PDE1A: variants seen among roughly 807,000 people sequenced by gnomAD.
PDE1A encodes phosphodiesterase 1A.
In PDE1A, 35 loss-of-function variants were observed where a neutral mutation model predicts 61.7. The ratio of observed to expected loss-of-function variants is 0.57; its 90% CI spans 0.43 to 0.75. The LOEUF is 0.75. PDE1A is among the 30% of genes least tolerant of loss of function. The probability of loss-of-function intolerance (pLI) is 0.00; values close to 1 mark genes in which losing one functional copy is unlikely to be tolerated. For missense variants in PDE1A, 597 were observed against 630.6 expected, an observed-to-expected ratio of 0.95 and a Z score of 0.57; for synonymous variants, 232 against 213.2, an observed-to-expected ratio of 1.09 and a Z score of -0.77.
chr2:182,422,588 A>G (rs954698078), intron 1 of PDE1A, among the ~76,000 whole-genome samples: 1 of 152,248 alleles, frequency 6.6e-6, no homozygotes, highest in Non-Finnish European at 1.5e-5. Flanking sequence ...TTACTAAGCA[A>G]GATGAGTATG....
chr2:182,470,140 A>G (rs1686935104), intron 2 of PDE1A, among the ~76,000 whole-genome samples: 1 of 151,966 alleles, frequency 6.6e-6, no homozygotes, highest in South Asian at 2.1e-4. Flanking sequence ...GGTTCCCACT[A>G]ACTTTTAATT....
intron 8 of PDE1A, 117 bp from the exon 9 acceptor site, chr2:182,201,906 A>G: frequency 1.5e-6 from 1 of 649,830 alleles, no homozygotes. Context: ...TGAACACAAA[A>G]GATGCTACTT....
At chr2:182,226,571 AG>A (rs1169252636) in intron 6 of PDE1A, among the ~76,000 whole-genome samples, 1 of 149,630 alleles carries the variant, frequency 6.7e-6, no homozygotes, top group Non-Finnish European at 1.5e-5. Context: ...TGGTATCAGA[AG>A]GAATTCTAAC....
At chr2:182,336,631 T>A (rs1256287314) in intron 1 of PDE1A, among the ~76,000 whole-genome samples, 1 of 151,692 alleles carries the variant, frequency 6.6e-6, no homozygotes, top group Non-Finnish European at 1.5e-5. Context: ...GGTAGGGGGC[T>A]AGGGGAGGGA....
intron 2 of PDE1A, among the ~76,000 whole-genome samples, chr2:182,498,281 T>C (rs1229998517): frequency 6.6e-6 from 1 of 152,052 alleles, no homozygotes; most frequent in Non-Finnish European, 1.5e-5. Context: ...AGAAGAATTG[T>C]TAATCAACTA....
the PDE1A span, among the ~76,000 whole-genome samples, chr2:182,704,079 C>A: frequency 6.6e-6 from 1 of 151,160 alleles, no homozygotes; most frequent in African/African-American, 2.4e-5. Context: ...GGCGTGGTGG[C>A]AGGCACCTGT....
the PDE1A span, among the ~76,000 whole-genome samples, chr2:182,693,098 T>C: frequency 6.6e-6 from 1 of 151,874 alleles, no homozygotes; most frequent in East Asian, 1.9e-4. Flanking sequence ...TCCAAAAAAA[T>C]AAAAATAGAT....
intron 1 of PDE1A, among the ~76,000 whole-genome samples, chr2:182,275,668 C>A (rs1349299779): frequency 6.6e-6 from 1 of 151,996 alleles, no homozygotes; most frequent in Non-Finnish European, 1.5e-5. Context: ...AGTTAACTTG[C>A]AGATTTTTGT....
chr2:182,333,092 G>T (rs1697531582), intron 1 of PDE1A, among the ~76,000 whole-genome samples: 1 of 152,094 alleles, frequency 6.6e-6, no homozygotes, highest in African/African-American at 2.4e-5. Context: ...AGTTCTTAGA[G>T]ACATACAAAG....
At chr2:182,215,960 C>T (rs1266895976) in intron 7 of PDE1A, among the ~76,000 whole-genome samples, 3 of 118,780 alleles carry the variant, frequency 2.5e-5, no homozygotes, top group African/African-American at 1.0e-4. Context: ...AGAGACACAA[C>T]AAAAAAAGAG....
intron 13 of PDE1A, among the ~76,000 whole-genome samples, chr2:182,161,557 G>T (rs994593041): frequency 1.3e-5 from 2 of 152,040 alleles, no homozygotes; most frequent in Non-Finnish European, 2.9e-5. Flanking sequence ...AAAGAGTAAT[G>T]GTCTCCCCTG....
intron 1 of PDE1A, among the ~76,000 whole-genome samples, chr2:182,390,022 G>A (rs1559409893): frequency 6.6e-6 from 1 of 152,174 alleles, no homozygotes; most frequent in Non-Finnish European, 1.5e-5. Flanking sequence ...TACCTTTGAG[G>A]TTTTGGGATT....
chr2:182,452,282 G>A (rs1214589566), intron 2 of PDE1A, among the ~76,000 whole-genome samples: 2 of 152,058 alleles, frequency 1.3e-5, no homozygotes, highest in Admixed American at 6.6e-5. Context: ...GAGGTCTCAA[G>A]TTATTTGATT....
At chr2:182,254,934 C>T (rs1401211157) in intron 2 of PDE1A, among the ~76,000 whole-genome samples, 3 of 152,168 alleles carry the variant, frequency 2.0e-5, no homozygotes, top group Admixed American at 2.0e-4. Context: ...GTATATTCAA[C>T]TCCCCTGGAC....
the PDE1A span, among the ~76,000 whole-genome samples, chr2:182,546,002 T>C: frequency 6.6e-6 from 1 of 152,214 alleles, no homozygotes; most frequent in Non-Finnish European, 1.5e-5. Flanking sequence ...TCAAGTACTA[T>C]AGAGTTAGTG....
intron 2 of PDE1A, among the ~76,000 whole-genome samples, chr2:182,499,181 T>C (rs1252374288): frequency 1.8e-5 from 2 of 114,098 alleles, no homozygotes; most frequent in South Asian, 5.5e-4. Flanking sequence ...TTGTTTTTTT[T>C]TTTTTTTTTT....
chr2:182,427,206 G>A (rs1301900164), upstream of PDE1A, among the ~76,000 whole-genome samples: 1 of 152,160 alleles, frequency 6.6e-6, no homozygotes, highest in Non-Finnish European at 1.5e-5. Context: ...GGCTCGGGTT[G>A]CATGGCTGGC....
intron 1 of PDE1A, among the ~76,000 whole-genome samples, chr2:182,424,810 A>G (rs1416026949): frequency 1.3e-5 from 2 of 152,218 alleles, no homozygotes; most frequent in Non-Finnish European, 2.9e-5. Flanking sequence ...CCAGATGACC[A>G]ATAAATCCTG....
At chr2:182,437,837 T>C (rs1270722171) in intron 2 of PDE1A, among the ~76,000 whole-genome samples, 1 of 151,898 alleles carries the variant, frequency 6.6e-6, no homozygotes, top group Non-Finnish European at 1.5e-5. Context: ...AATAATTTTC[T>C]TTTCCAGTGA....
Sources: allele counts gnomAD v4.1 joint callset (sites outside exome capture counted in the v4.1 genomes callset), GRCh38; gene constraint gnomAD v4.1.1; transcripts MANE v1.5; gene names NCBI Gene and HGNC (gene_info 2026-07-23, HGNC 2026-07-21).